The following CDK6 variants were observed in gnomAD, a reference collection of about 807,000 sequenced individuals.
CDK6 encodes cyclin dependent kinase 6.
Under a neutral mutation model 37.1 loss-of-function variants are expected in CDK6, and 6 were observed. The observed-to-expected ratio is 0.16, with a 90% CI of 0.09 to 0.32. The LOEUF (loss-of-function observed/expected upper bound fraction) is 0.32, where lower values mean the gene tolerates loss of function less well. Among genes scored for constraint, CDK6 ranks in the 10% least tolerant of loss-of-function variants. CDK6 has a pLI of 1.00. For missense variants in CDK6, 224 were observed against 418.9 expected (o/e 0.53, Z 4.06); for synonymous variants, 160 against 161.3 (o/e 0.99, Z 0.06).
chr7:92,698,504 G>A (rs890741604), intron 4 of CDK6, among the ~76,000 whole-genome samples: 3 of 151,934 alleles, frequency 2.0e-5, no homozygotes, highest in African/African-American at 7.3e-5. Flanking sequence ...CCCCTTATCT[G>A]TCCCTGTTTG....
intron 5 of CDK6, among the ~76,000 whole-genome samples, chr7:92,657,977 C>T (rs1219101595): frequency 6.6e-6 from 1 of 152,162 alleles, no homozygotes; most frequent in African/African-American, 2.4e-5. Context: ...CTGTTTTGGC[C>T]TTCCAAAGTG....
chr7:92,774,949 T>C (rs958010173), intron 2 of CDK6, 118 bp from the exon 3 acceptor site: 7 of 854,088 alleles, frequency 8.2e-6, no homozygotes, highest in Non-Finnish European at 1.1e-5. Flanking sequence ...GTGTTGATCA[T>C]TTCTTGTGAT....
intron 3 of CDK6, among the ~76,000 whole-genome samples, chr7:92,759,541 T>G (rs1799400738): frequency 6.6e-6 from 1 of 152,000 alleles, no homozygotes; most frequent in African/African-American, 2.4e-5. Context: ...GGGCCAGTTT[T>G]CTAAATCCAA....
At chr7:92,682,739 T>C (rs939034230) in intron 4 of CDK6, among the ~76,000 whole-genome samples, 5 of 152,204 alleles carry the variant, frequency 3.3e-5, no homozygotes, top group Admixed American at 6.5e-5. Flanking sequence ...TCTATTATAG[T>C]ATAAATTTTA....
chr7:92,783,760 T>C (rs1453064016), intron 2 of CDK6, among the ~76,000 whole-genome samples: 1 of 152,202 alleles, frequency 6.6e-6, no homozygotes, highest in Non-Finnish European at 1.5e-5. Flanking sequence ...ACTATGTATA[T>C]GGAAACACAT....
intron 4 of CDK6, among the ~76,000 whole-genome samples, chr7:92,711,551 AATTTTT>A (rs1562943383): frequency 7.7e-6 from 1 of 130,530 alleles, no homozygotes; most frequent in African/African-American, 3.3e-5. Context: ...GGAATGGTCA[AATTTTT>A]TTTTTTTTTT....
At position 92,615,064 on chromosome 7, in the gene CDK6, T is replaced by C. The variant is rs1366811461; in HGVS notation, c.*76A>G. 1.3e-6 allele frequency: 2 copies of C among 1,498,790 alleles called. No individual in the cohort carries two copies. The highest frequency in any genetic ancestry group is 1.8e-6 in the Non-Finnish European group (2 of 1,086,808). 92.8% of individuals were successfully genotyped at this position (1,498,790 alleles called of 1,614,324 possible). A position where few individuals can be genotyped will look rare whatever the true frequency, so the allele number is the denominator to read the frequency against. On this transcript the variant is annotated 3_prime_UTR_variant, in exon 8 of 8. Coordinates refer to ENST00000424848, the MANE Select transcript of CDK6 (RefSeq NM_001145306.2). ...CAGATAGCAATCCTCCACAGCTCTG[T>C]AGGGCTTGCTGAGGGGGACCCATAA...
At chr7:92,790,754 TA>T (rs995744296) in intron 2 of CDK6, among the ~76,000 whole-genome samples, 1 of 152,106 alleles carries the variant, frequency 6.6e-6, no homozygotes, top group African/African-American at 2.4e-5. Context: ...TAAGAAATGA[TA>T]AAAGAAGCAA....
rs1315957652 is a variant in CDK6 at position 92,751,057 on chromosome 7, T to C, written c.369+23639A>G. Among the ~76,000 whole-genome samples, 4 of 152,222 alleles carry C rather than the reference T, an allele frequency of 2.6e-5. No homozygotes were observed. The East Asian group carries it at 5.8e-4, about 22-fold the overall frequency. On this transcript the variant is annotated intron_variant, in intron 3 of 7. Transcript: ENST00000424848. ...TCTTCGTATTTTTTTACAAAGGAAATAGACACAGATTCTAATATATACAAA... is the reference window on the plus strand; with the variant it reads ...TCTTCGTATTTTTTTACAAAGGAAACAGACACAGATTCTAATATATACAAA...
chr7:92,648,861 C>T (rs1212113734), intron 5 of CDK6, among the ~76,000 whole-genome samples: 1 of 152,130 alleles, frequency 6.6e-6, no homozygotes, highest in Non-Finnish European at 1.5e-5. Flanking sequence ...GATACACATA[C>T]ATAAACATAT....
chr7:92,748,292 A>T (rs1799107498), intron 3 of CDK6, among the ~76,000 whole-genome samples: 1 of 152,202 alleles, frequency 6.6e-6, no homozygotes, highest in Admixed American at 6.5e-5. Flanking sequence ...CGCTCAAACC[A>T]GAAGGAAGAA....
intron 5 of CDK6, among the ~76,000 whole-genome samples, chr7:92,651,755 C>CTT (rs201093773): frequency 4.3e-4 from 61 of 141,488 alleles, no homozygotes; most frequent in African/African-American, 1.3e-3. Context: ...TACTAAAAAA[C>CTT]TTTTTTTTTT....
At chr7:92,635,414 G>T (rs1382650546) in intron 5 of CDK6, among the ~76,000 whole-genome samples, 2 of 152,164 alleles carry the variant, frequency 1.3e-5, no homozygotes, top group African/African-American at 4.8e-5. Flanking sequence ...ATCCCAGAGT[G>T]CAGGCAGGCC....
chr7:92,783,536 T>C (rs940279840), intron 2 of CDK6, among the ~76,000 whole-genome samples: 1 of 152,194 alleles, frequency 6.6e-6, no homozygotes, highest in Non-Finnish European at 1.5e-5. Flanking sequence ...GAAAGTTTCA[T>C]TGTTTATCTT....
At chr7:92,824,103 C>CAG (rs1801249929) in intron 2 of CDK6, among the ~76,000 whole-genome samples, 1 of 147,602 alleles carries the variant, frequency 6.8e-6, no homozygotes, top group African/African-American at 2.5e-5. Flanking sequence ...ACACCTACCA[C>CAG]AGAAATTATG....
At chr7:92,624,100 A>G (rs540248670) in intron 5 of CDK6, among the ~76,000 whole-genome samples, 1 of 152,268 alleles carries the variant, frequency 6.6e-6, no homozygotes, top group South Asian at 2.1e-4. Flanking sequence ...TCCTGCAGTC[A>G]TAGCATTTCA....
At chr7:92,770,706 G>C (rs886768688) in intron 3 of CDK6, among the ~76,000 whole-genome samples, 2 of 152,026 alleles carry the variant, frequency 1.3e-5, no homozygotes, top group African/African-American at 4.8e-5. Flanking sequence ...TTACCCCTAT[G>C]ATATCTAGTA....
At chr7:92,694,682 C>T (rs948585825) in intron 4 of CDK6, among the ~76,000 whole-genome samples, 21 of 152,138 alleles carry the variant, frequency 1.4e-4, no homozygotes, top group African/African-American at 4.8e-4. Flanking sequence ...TTGTCTGTCT[C>T]GTGTTCTTTT....
intron 3 of CDK6, among the ~76,000 whole-genome samples, chr7:92,755,151 G>A (rs1231121477): frequency 6.6e-6 from 1 of 152,034 alleles, no homozygotes; most frequent in African/African-American, 2.4e-5. Flanking sequence ...TGGTCCCTTT[G>A]AAGGGTTAAA....
Sources: allele counts gnomAD v4.1 joint callset (sites outside exome capture counted in the v4.1 genomes callset), GRCh38; gene constraint gnomAD v4.1.1; transcripts MANE v1.5; gene names NCBI Gene and HGNC (gene_info 2026-07-23, HGNC 2026-07-21).